Variants in MGAT4C observed in about 807,000 individuals in gnomAD.
MGAT4C encodes the protein alpha-1,3-mannosyl-glycoprotein 4-beta-N-acetylglucosaminyltransferase C.
In MGAT4C, 19 loss-of-function variants were observed where a neutral mutation model predicts 40.1. That is an observed-to-expected ratio of 0.47 (90% CI 0.33 to 0.70). MGAT4C has a LOEUF of 0.70. Ranked by LOEUF, MGAT4C falls within the 30% of genes least tolerant of loss-of-function variation. The probability of loss-of-function intolerance (pLI) is 0.02; values close to 1 mark genes in which losing one functional copy is unlikely to be tolerated. For missense variants in MGAT4C, 491 were observed against 563.2 expected (o/e 0.87, Z 1.30); for synonymous variants, 181 against 187.1 (o/e 0.97, Z 0.27).
chr12:86,584,441 G>T (rs1960922356), intron 2 of MGAT4C, among the ~76,000 whole-genome samples: 1 of 150,950 alleles, frequency 6.6e-6, no homozygotes, highest in African/African-American at 2.4e-5. Flanking sequence ...AATAATATAT[G>T]AATATATTAT....
chr12:86,606,810 G>A (rs1191506860), intron 2 of MGAT4C, among the ~76,000 whole-genome samples: 1 of 152,002 alleles, frequency 6.6e-6, no homozygotes, highest in Non-Finnish European at 1.5e-5. Context: ...TACTCTCTTG[G>A]AGACCACTTG....
chr12:86,118,114 A>T (rs1026756018), intron 1 of MGAT4C, among the ~76,000 whole-genome samples: 1 of 152,222 alleles, frequency 6.6e-6, no homozygotes, highest in Admixed American at 6.6e-5. Context: ...TATTACCAGG[A>T]TACATGAATA....
intron 2 of MGAT4C, among the ~76,000 whole-genome samples, chr12:86,585,951 TTAA>T (rs1961013780): frequency 6.6e-6 from 1 of 150,944 alleles, no homozygotes; most frequent in Non-Finnish European, 1.5e-5. Flanking sequence ...TTCCCTTTTT[TTAA>T]TTATTATTAT....
At chr12:86,715,497 A>G (rs1438795773) in intron 2 of MGAT4C, among the ~76,000 whole-genome samples, 1 of 152,106 alleles carries the variant, frequency 6.6e-6, no homozygotes, top group Non-Finnish European at 1.5e-5. Flanking sequence ...TATGTATATT[A>G]TACTTGAGTA....
At chr12:86,608,682 G>T (rs1962133966) in intron 2 of MGAT4C, among the ~76,000 whole-genome samples, 1 of 151,478 alleles carries the variant, frequency 6.6e-6, no homozygotes, top group Non-Finnish European at 1.5e-5. Context: ...AAAATGTACT[G>T]CAATATTTTA....
At chr12:86,207,885 G>A (rs1445078352) in intron 1 of MGAT4C, among the ~76,000 whole-genome samples, 2 of 152,102 alleles carry the variant, frequency 1.3e-5, no homozygotes, top group African/African-American at 4.8e-5. Flanking sequence ...TATAAAAATA[G>A]TAAGAATCAT....
At chr12:86,111,409 T>C (rs1877380214) in intron 1 of MGAT4C, among the ~76,000 whole-genome samples, 1 of 151,858 alleles carries the variant, frequency 6.6e-6, no homozygotes, top group Non-Finnish European at 1.5e-5. Context: ...GTATACATAA[T>C]ACAAGACTAT....
At chr12:86,802,459 T>C (rs914806744) in intron 1 of MGAT4C, among the ~76,000 whole-genome samples, 1 of 152,040 alleles carries the variant, frequency 6.6e-6, no homozygotes, top group Non-Finnish European at 1.5e-5. Flanking sequence ...CATTAATTTA[T>C]TCACTAATTA....
chr12:86,510,623 T>A, intron 2 of MGAT4C, among the ~76,000 whole-genome samples: 1 of 151,464 alleles, frequency 6.6e-6, no homozygotes, highest in South Asian at 2.1e-4. Flanking sequence ...AAACATAGGC[T>A]CAAAATAAAG....
chr12:86,116,976 A>C (rs1878532678), intron 1 of MGAT4C, among the ~76,000 whole-genome samples: 1 of 152,090 alleles, frequency 6.6e-6, no homozygotes, highest in African/African-American at 2.4e-5. Flanking sequence ...GAGGAGAGAA[A>C]GTTTATTTGT....
At chr12:86,092,936 A>G (rs758021153) in intron 1 of MGAT4C, among the ~76,000 whole-genome samples, 2 of 151,936 alleles carry the variant, frequency 1.3e-5, no homozygotes, top group Non-Finnish European at 2.9e-5. Context: ...TACATGTGCC[A>G]TGGTGGTTTG....
At chr12:86,061,859 A>G (rs1237821272) in intron 1 of MGAT4C, among the ~76,000 whole-genome samples, 1 of 152,150 alleles carries the variant, frequency 6.6e-6, no homozygotes, top group Non-Finnish European at 1.5e-5. Flanking sequence ...TCTGAAAAAA[A>G]GGCAGCAGCC....
chr12:86,467,148 T>A (rs889144612), intron 2 of MGAT4C, among the ~76,000 whole-genome samples: 9 of 152,124 alleles, frequency 5.9e-5, no homozygotes, highest in Non-Finnish European at 1.0e-4. Context: ...AAGACTAGCT[T>A]AAGGCCAGGG....
chr12:85,991,384 T>G (rs1885920818), intron 2 of MGAT4C, among the ~76,000 whole-genome samples: 1 of 152,120 alleles, frequency 6.6e-6, no homozygotes, highest in African/African-American at 2.4e-5. Flanking sequence ...AAGTTCCCAG[T>G]CTGGTCTGCA....
At chr12:86,435,948 A>G (rs1021024152) in intron 2 of MGAT4C, among the ~76,000 whole-genome samples, 1 of 151,924 alleles carries the variant, frequency 6.6e-6, no homozygotes, top group African/African-American at 2.4e-5. Context: ...TACAAGTGGC[A>G]TATTCTTGTT....
intron 4 of MGAT4C, among the ~76,000 whole-genome samples, chr12:86,315,415 G>A (rs1042418199): frequency 3.9e-5 from 6 of 152,012 alleles, no homozygotes; most frequent in Non-Finnish European, 7.4e-5. Context: ...CAGAATCCTA[G>A]AAGAAGGCCG....
rs897687444 is a variant in MGAT4C at position 86,813,918 on chromosome 12, G to T, written c.-262+24748C>A. ...ATATTCCTTTTTCTTTCTTTTTTTT[G>T]GGGGGGATGGGGAACAGAGTCTCGC... On this transcript the variant is annotated intron_variant, in intron 1 of 7. Transcript: ENST00000548651. Among the ~76,000 whole-genome samples, 12 of 150,082 alleles carry T rather than the reference G, an allele frequency of 8.0e-5. 1 individual carries two copies. The highest frequency in any genetic ancestry group is 1.6e-4 in the Non-Finnish European group (11 of 67,488).
chr12:86,378,750 G>T (rs906890179), intron 3 of MGAT4C, among the ~76,000 whole-genome samples: 1 of 152,110 alleles, frequency 6.6e-6, no homozygotes, highest in South Asian at 2.1e-4. Context: ...TCAATCTCAC[G>T]ATACTAATCT....
chr12:86,136,226 G>A (rs952869935), intron 1 of MGAT4C, among the ~76,000 whole-genome samples: 1 of 151,996 alleles, frequency 6.6e-6, no homozygotes. Flanking sequence ...TCTAAGAAGT[G>A]TTCTAAAAAC....
Sources: allele counts gnomAD v4.1 joint callset (sites outside exome capture counted in the v4.1 genomes callset), GRCh38; gene constraint gnomAD v4.1.1; transcripts MANE v1.5; gene names NCBI Gene and HGNC (gene_info 2026-07-23, HGNC 2026-07-21).